The following GRN variants were observed in gnomAD, a reference collection of about 807,000 sequenced individuals.
GRN encodes the protein progranulin.
A neutral mutation model predicts 66.7 loss-of-function variants in GRN; 30 were observed. The observed-to-expected ratio is 0.45, with a 90% CI of 0.34 to 0.61. The LOEUF (loss-of-function observed/expected upper bound fraction) is 0.61, where lower values mean the gene tolerates loss of function less well. Among genes scored for constraint, GRN ranks in the 20% least tolerant of loss-of-function variants. The probability of loss-of-function intolerance (pLI) is 0.01; values close to 1 mark genes in which losing one functional copy is unlikely to be tolerated. For missense variants in GRN, 731 were observed against 803.5 expected (o/e 0.91, Z 1.09); for synonymous variants, 327 against 311.1 (o/e 1.05, Z -0.54).
At position 44,349,407 on chromosome 17, in the gene GRN, A is replaced by G. The variant is rs369239915; in HGVS notation, c.139-19A>G. On this transcript the variant is annotated intron_variant, in intron 2 of 12. Transcript: ENST00000053867. ...GCCAGGCACAAGTCTGTGGTTTATC[A>G]TTTTCCCTGTCTTTCTAGGACAAAT... The G allele has an allele frequency of 2.5e-6, 4 of 1,614,008 alleles. No homozygotes were observed. The highest frequency in any genetic ancestry group is 8.5e-7 in the Non-Finnish European group (1 of 1,180,046).
rs376721763 is a variant in GRN, at chr17:44,351,506, C to T, written c.934-44C>T. On this transcript the variant is annotated intron_variant, in intron 9 of 12. Transcript: ENST00000053867. ...GGTGGGCTGAGCACAGTGTGGCAGG[C>T]AGCCGGGCCCCAGTGCCCACCTGCC... The T allele has an allele frequency of 6.8e-6, 11 of 1,613,006 alleles. No homozygotes were observed. In the African/African-American group the frequency reaches 1.2e-4, roughly 18 times the overall value.
intron 6 of GRN, 25 bp downstream of exon 6, chr17:44,350,602 C>T (rs1446715207): frequency 1.2e-6 from 2 of 1,613,060 alleles, no homozygotes; most frequent in African/African-American, 1.3e-5. Flanking sequence ...GAGCATCAGG[C>T]CAGGGGCTGG....
intron 7 of GRN, 95 bp downstream of exon 7, chr17:44,350,895 G>T (rs1212902050): frequency 5.0e-6 from 7 of 1,401,628 alleles, no homozygotes; most frequent in Non-Finnish European, 6.0e-6. Flanking sequence ...GGGCTGGCTG[G>T]CTGCTTGCTG....
intron 4 of GRN, 46 bp from the exon 5 acceptor site, chr17:44,350,182 C>T (rs772179449): frequency 1.5e-5 from 19 of 1,264,384 alleles, no homozygotes; most frequent in Non-Finnish European, 1.8e-5. Flanking sequence ...GGGGGAGTCA[C>T]CTTCCCTGAG....
At chr17:44,348,316 C>T (rs1447753121) in intron 1 of GRN, among the ~76,000 whole-genome samples, 1 of 152,154 alleles carries the variant, frequency 6.6e-6, no homozygotes, top group Non-Finnish European at 1.5e-5. Flanking sequence ...AGGCTCAGTT[C>T]CTCCTGGTGA....
At position 44,352,485 on chromosome 17, in the gene GRN, GA is replaced by G; in HGVS notation, c.1559del (p.Glu520GlyfsTer65). 6.2e-7 allele frequency: 1 copy of G among 1,614,102 alleles called. No individual in the cohort carries two copies. Among genetic ancestry groups the G allele is most frequent in the Non-Finnish European group, 8.5e-7 (1 of 1,180,000 alleles). ...RSPHVGVKDV[E>X]CGEGHFCHDN... ...CCCTCACGTGGGTGTGAAGGACGTG[GA>G]GTGTGGGGAAGGACACTTCTGCCAT... is the stretch of plus-strand genomic sequence containing the variant. On this transcript the variant is annotated frameshift_variant, in exon 12 of 13. Transcript: ENST00000053867. LOFTEE classifies it high-confidence loss of function.
chr17:44,351,090 C>A lies in GRN; in HGVS notation c.762C>A (p.Asp254Glu). The change falls in exon 8 of 13, where the codon GAC (aspartate) becomes GAA (glutamate). Residue 254 changes from aspartate (D) to glutamate (E), a missense_variant. Asp to Glu is a conservative substitution (Grantham distance 45). Around this residue, in one of 3 missense-constraint regions of GRN, gnomAD observed 370 missense variants for 379.8 expected, o/e 0.97. Coordinates refer to ENST00000053867, the MANE Select transcript of GRN (RefSeq NM_002087.4). ...GCTGCCCCCAAGACACTGTGTGTGA[C>A]CTGATCCAGAGTAAGTGCCTCTCCA... ...LHCCPQDTVCDLIQSKCLSKE... is the reference protein window; with the variant it reads ...LHCCPQDTVCELIQSKCLSKE... The A allele has an allele frequency of 3.7e-6, 6 of 1,614,042 alleles. No individual in the cohort carries two copies. Among genetic ancestry groups the A allele is most frequent in the Non-Finnish European group, 5.1e-6 (6 of 1,179,922 alleles).
intron 10 of GRN, 23 bp downstream of exon 10, chr17:44,351,818 T>C: frequency 6.2e-7 from 1 of 1,610,130 alleles, no homozygotes; most frequent in Non-Finnish European, 8.5e-7. Flanking sequence ...GGACAGCATC[T>C]TGGCCTGGGC....
chr17:44,349,286 G>A lies in GRN; in HGVS notation c.122G>A (p.Cys41Tyr), dbSNP rs760088921. 3 of 1,613,758 alleles carry A rather than the reference G, an allele frequency of 1.9e-6. No individual in the cohort carries two copies. The highest frequency in any genetic ancestry group is 2.5e-6 in the Non-Finnish European group (3 of 1,180,032). ...GACCCCGGAGGAGCCAGCTACAGCT[G>A]CTGCCGTCCCCTTCTGGTGAGTGCC... ...CLDPGGASYSCCRPLLDKWPT... is the reference protein window; with the variant it reads ...CLDPGGASYSYCRPLLDKWPT... The change falls in exon 2 of 13, where the codon TGC becomes TAC. Residue 41 changes from cysteine (C) to tyrosine (Y), a missense_variant. By Grantham distance (194) the Cys-to-Tyr change is radical (BLOSUM62 -2). Coordinates refer to ENST00000053867, the MANE Select transcript of GRN (RefSeq NM_002087.4).
intron 10 of GRN, 46 bp downstream of exon 10, chr17:44,351,841 A>C: frequency 6.3e-7 from 1 of 1,598,738 alleles, no homozygotes; most frequent in Non-Finnish European, 8.5e-7. Flanking sequence ...GTGGGTGGCC[A>C]AGCTCCTATT....
rs770662203 is a variant in GRN, at chr17:44,350,272, G to A, written c.394G>A (p.Glu132Lys). 8.1e-6 allele frequency: 13 copies of A among 1,613,800 alleles called. No homozygotes were observed. The highest frequency in any genetic ancestry group is 2.2e-5 in the South Asian group (2 of 91,082). ...CATCCAGTGCCCTGATAGTCAGTTC[G>A]AATGCCCGGACTTCTCCACGTGCTG... The part of the protein sequence containing the change: ...GAIQCPDSQF[E>K]CPDFSTCCVM... Residue 132 changes from glutamate to lysine, a missense_variant, in exon 5 of 13, where the codon GAA becomes AAA. Around this residue, in one of 3 missense-constraint regions of GRN, gnomAD observed 370 missense variants for 379.8 expected, o/e 0.97. Transcript: ENST00000053867.
At chr17:44,347,915 G>A (rs1292964454) in intron 1 of GRN, among the ~76,000 whole-genome samples, 8 of 131,168 alleles carry the variant, frequency 6.1e-5, no homozygotes, top group Non-Finnish European at 1.1e-4. Flanking sequence ...GGGCAACAGA[G>A]CAAGACTGTC....
rs758636128 is a variant in GRN at position 44,351,587 on chromosome 17, C to T, written c.971C>T (p.Ala324Val). ...GAGGACCACATACACTGCTGTCCCG[C>T]GGGGTTTACGTGTGACACGCAGAAG... ...CCEDHIHCCP[A>V]GFTCDTQKGT... The change falls in exon 10 of 13, where the codon GCG becomes GTG. Residue 324 changes from alanine to valine, a missense_variant. Around this residue, in one of 3 missense-constraint regions of GRN, gnomAD observed 42 missense variants for 76.6 expected, o/e 0.55. Coordinates refer to ENST00000053867, the MANE Select transcript of GRN (RefSeq NM_002087.4). 19 of 1,613,882 alleles carry T rather than the reference C, an allele frequency of 1.2e-5. No homozygotes were observed. The highest frequency in any genetic ancestry group is 2.2e-5 in the South Asian group (2 of 91,090).
rs923728571 is a variant in GRN at position 44,350,219 on chromosome 17, T to C, written c.350-9T>C. 4 of 1,589,168 alleles carry C rather than the reference T, an allele frequency of 2.5e-6. No individual in the cohort carries two copies. In the East Asian group the frequency reaches 6.7e-5, roughly 27 times the overall value. On this transcript the variant is annotated splice_polypyrimidine_tract_variant and intron_variant, in intron 4 of 12. Coordinates refer to ENST00000053867, the MANE Select transcript of GRN (RefSeq NM_002087.4). Reference sequence around the variant, plus strand: ...GGGCTGGTAGTATCCTGGGTCATCTTGTCCACAGGTAACAACTCCGTGGGT... The same window carrying C: ...GGGCTGGTAGTATCCTGGGTCATCTCGTCCACAGGTAACAACTCCGTGGGT...
chr17:44,349,577 G>A, intron 3 of GRN, 26 bp downstream of exon 3: 2 of 1,613,920 alleles, frequency 1.2e-6, no homozygotes, highest in Non-Finnish European at 8.5e-7. Context: ...GCCCAGTGGA[G>A]GGGCTTAGGT....
rs746307128 is a variant in GRN at position 44,352,180 on chromosome 17, AGCTGCCCGGTGGGGCAGACCT to A, written c.1354_1374del (p.Val452_Pro458del). ...AGACATCGGCTGTGACCAGCACACC[AGCTGCCCGGTGGGGCAGACCT>A]GCTGCCCGAGCCTGGGTGGGAGCTG... On this transcript the variant is annotated inframe_deletion, in exon 11 of 13. Coordinates refer to ENST00000053867, the MANE Select transcript of GRN (RefSeq NM_002087.4). The A allele has an allele frequency of 2.5e-5, 40 of 1,613,500 alleles. No individual in the cohort carries two copies. The highest frequency in any genetic ancestry group is 3.0e-5 in the Non-Finnish European group (35 of 1,179,992).
intron 11 of GRN, 22 bp downstream of exon 11, chr17:44,352,270 C>T (rs2048383994): frequency 6.2e-7 from 1 of 1,602,642 alleles, no homozygotes; most frequent in Non-Finnish European, 8.5e-7. Flanking sequence ...CCTGCCTGCC[C>T]CTGGATAGGG....
Position 44,349,195 on chromosome 17 carries a change from A to T in GRN, c.31A>T (p.Thr11Ser). 1.2e-6 allele frequency: 2 copies of T among 1,614,096 alleles called. No individual in the cohort carries two copies. The highest frequency in any genetic ancestry group is 1.7e-6 in the Non-Finnish European group (2 of 1,180,004). MWTLVSWVAL[T>S]AGLVAGTRCP... is the part of the protein sequence containing the mutation. ...GACCCTGGTGAGCTGGGTGGCCTTA[A>T]CAGCAGGGCTGGTGGCTGGAACGCG... The change falls in exon 2 of 13, where the codon ACA (threonine) becomes TCA (serine). Residue 11 changes from threonine to serine, a missense_variant. Around this residue, in one of 3 missense-constraint regions of GRN, gnomAD observed 370 missense variants for 379.8 expected, o/e 0.97. Coordinates refer to ENST00000053867, the MANE Select transcript of GRN (RefSeq NM_002087.4).
At position 44,349,703 on chromosome 17, in the gene GRN, C is replaced by A. The variant is rs543578531; in HGVS notation, c.301C>A (p.Arg101=). ...CGGGGATGGCCATCACTGCTGCCCA[C>A]GGGGCTTCCACTGCAGTGCAGACGG... is the stretch of plus-strand genomic sequence containing the variant. ...ACGDGHHCCP[R]GFHCSADGRS... is the part of the protein sequence containing the mutation. The change falls in exon 4 of 13, where the codon CGG becomes AGG. Residue 101 remains arginine, a synonymous_variant. Coordinates refer to ENST00000053867, the MANE Select transcript of GRN (RefSeq NM_002087.4). 1.1e-4 allele frequency: 173 copies of A among 1,613,088 alleles called. No homozygotes were observed. In the South Asian group the frequency reaches 1.9e-3, roughly 17 times the overall value.
Sources: allele counts gnomAD v4.1 joint callset (sites outside exome capture counted in the v4.1 genomes callset), GRCh38; gene constraint gnomAD v4.1.1; regional missense constraint gnomAD v4.1.1; transcripts MANE v1.5; gene names NCBI Gene and HGNC (gene_info 2026-07-23, HGNC 2026-07-21).